The following FAM180A variants were observed in gnomAD, a reference collection of about 807,000 sequenced individuals.
FAM180A encodes family with sequence similarity 180 member A, also known as protein FAM180A.
In FAM180A, 14 loss-of-function variants were observed where a neutral mutation model predicts 15.3. That is an observed-to-expected ratio of 0.92 (90% CI 0.61 to 1.43). FAM180A has a LOEUF of 1.43. Ranked by LOEUF, FAM180A falls within the 40% of genes most tolerant of loss-of-function variation. The probability of loss-of-function intolerance (pLI) is 0.00; values close to 1 mark genes in which losing one functional copy is unlikely to be tolerated. For synonymous variants in FAM180A, 90 were observed against 96.8 expected, an observed-to-expected ratio of 0.93 and a Z score of 0.41; for missense variants, 200 against 220.8, an observed-to-expected ratio of 0.91 and a Z score of 0.60.
In FAM180A at chr7:135,734,312, A is replaced by G. The variant is rs1796841018; in HGVS notation, c.185T>C (p.Leu62Pro). 6.3e-7 allele frequency: 1 copy of G among 1,591,432 alleles called. No individual in the cohort carries two copies. The highest frequency in any genetic ancestry group is 1.4e-5 in the African/African-American group (1 of 74,046). The change falls in exon 3 of 4, where the codon CTG (leucine) becomes CCG (proline). Residue 62 changes from leucine to proline, a missense_variant. By Grantham distance (98) the Leu-to-Pro change is moderately conservative. Transcript: ENST00000338588. ...GTCAGGGCTGATCTCAAGTTCGGCC[A>G]GCAGGAACTGGTGAGAAATGTGGAT... ...EEVELLYEFL[L>P]AELEISPDLQ...
At position 135,745,756 on chromosome 7, in the gene FAM180A, T is replaced by G. The variant is rs189991390; in HGVS notation, c.76+2749A>C. Reference sequence around the variant, plus strand: ...ATTTTGGAGCAGGAGGGTGGGAGGATGGACACGGGGTAGTGGTGGGGCTGG... The same window carrying G: ...ATTTTGGAGCAGGAGGGTGGGAGGAGGGACACGGGGTAGTGGTGGGGCTGG... On this transcript the variant is annotated intron_variant, in intron 1 of 3. Coordinates refer to ENST00000338588, the MANE Select transcript of FAM180A (RefSeq NM_205855.4). 1.8e-4 allele frequency among the ~76,000 whole-genome samples: 22 copies of G among 123,522 alleles called. No individual in the cohort carries two copies. In the East Asian group the frequency reaches 4.8e-3, roughly 27 times the overall value. 81.0% of individuals were successfully genotyped at this position (123,522 alleles called of 152,430 possible).
intron 2 of FAM180A, among the ~76,000 whole-genome samples, chr7:135,735,725 T>C (rs757926487): frequency 3.3e-5 from 5 of 152,190 alleles, no homozygotes; most frequent in Non-Finnish European, 5.9e-5. Context: ...TTTTTTGAGA[T>C]GGAGTCTCGC....
chr7:135,739,720 C>A (rs565282686), intron 1 of FAM180A, among the ~76,000 whole-genome samples: 1 of 149,824 alleles, frequency 6.7e-6, no homozygotes, highest in South Asian at 2.1e-4. Flanking sequence ...CTTAGAGGAA[C>A]TTTCCTGAAA....
At chr7:135,734,392 A>G in intron 2 of FAM180A, 73 bp from the exon 3 acceptor site, 1 of 1,412,656 alleles carries the variant, frequency 7.1e-7, no homozygotes, top group Non-Finnish European at 9.5e-7. Flanking sequence ...ATTATCACGC[A>G]CCTTCCCTTA....
At chr7:135,740,448 C>T (rs965968551) in intron 1 of FAM180A, among the ~76,000 whole-genome samples, 2 of 152,150 alleles carry the variant, frequency 1.3e-5, no homozygotes, top group Non-Finnish European at 2.9e-5. Flanking sequence ...CTTGACTAGA[C>T]ATTCGATTCA....
rs755992092 is a variant in FAM180A at position 135,734,339 on chromosome 7, T to C, written c.178-20A>G. ...CAGGAACTGGTGAGAAATGTGGATG[T>C]GCAAAAATATGAAGTGAGGCATTGC... On this transcript the variant is annotated intron_variant, in intron 2 of 3. Coordinates refer to ENST00000338588, the MANE Select transcript of FAM180A (RefSeq NM_205855.4). The C allele has an allele frequency of 8.3e-6, 13 of 1,562,812 alleles. 1 individual carries two copies. In the South Asian group the frequency reaches 1.2e-4, roughly 15 times the overall value.
chr7:135,740,851 A>G (rs112633937), intron 1 of FAM180A, among the ~76,000 whole-genome samples: 3 of 150,490 alleles, frequency 2.0e-5, no homozygotes, highest in African/African-American at 7.3e-5. Flanking sequence ...AAGGAGGTGG[A>G]TGAAACCCCC....
At chr7:135,737,455 C>T (rs558263814) in intron 1 of FAM180A, among the ~76,000 whole-genome samples, 8 of 151,818 alleles carry the variant, frequency 5.3e-5, no homozygotes, top group African/African-American at 7.3e-5. Context: ...GGCATGGTGG[C>T]GGGTGCCTGT....
chr7:135,733,874 T>A lies in FAM180A; in HGVS notation c.*101A>T. The A allele has an allele frequency of 6.9e-7, 1 of 1,446,324 alleles. No homozygotes were observed. The highest frequency in any genetic ancestry group is 2.5e-5 in the East Asian group (1 of 40,374). 89.6% of individuals were successfully genotyped at this position (1,446,324 alleles called of 1,614,324 possible). Reference sequence around the variant, plus strand: ...GATCTCTGCTGCTCTGTGTCAGCGGTAAGAGTTTTGTTGCTGGTCTCTGTA... The same window carrying A: ...GATCTCTGCTGCTCTGTGTCAGCGGAAAGAGTTTTGTTGCTGGTCTCTGTA... On this transcript the variant is annotated 3_prime_UTR_variant, in exon 3 of 4. Coordinates refer to ENST00000338588, the MANE Select transcript of FAM180A (RefSeq NM_205855.4).
chr7:135,732,239 A>C (rs1162783574), intron 3 of FAM180A, among the ~76,000 whole-genome samples: 1 of 152,188 alleles, frequency 6.6e-6, no homozygotes, highest in Non-Finnish European at 1.5e-5. Context: ...CTGAACACAG[A>C]ATGAGCAGTC....
chr7:135,742,686 C>T (rs1437691902), intron 1 of FAM180A, among the ~76,000 whole-genome samples: 1 of 152,222 alleles, frequency 6.6e-6, no homozygotes, highest in African/African-American at 2.4e-5. Flanking sequence ...ATAGCGTGTT[C>T]TGTCCATGTC....
rs754563488 is a variant in FAM180A, at chr7:135,734,251, G to A, written c.246C>T (p.Ser82=). ...QISIKDEELA[S]LRKASDFRTV... is the part of the protein sequence containing the mutation. ...TGCGGAAGTCTGAGGCCTTCCGCAA[G>A]GAGGCCAGCTCCTCGTCCTTGATGG... Residue 82 remains serine, a synonymous_variant, in exon 3 of 4, where the codon TCC becomes TCT. Transcript: ENST00000338588. 1.6e-5 allele frequency: 26 copies of A among 1,614,174 alleles called. No homozygotes were observed. The highest frequency in any genetic ancestry group is 2.1e-5 in the Non-Finnish European group (25 of 1,179,986).
At chr7:135,748,060 G>A (rs10257946) in intron 1 of FAM180A, among the ~76,000 whole-genome samples, 3,844 of 152,288 alleles carry the variant, frequency 0.025, 166 homozygotes, top group African/African-American at 0.085. Context: ...CGGTGAGGAG[G>A]CAACGTTCTG....
chr7:135,747,685 C>A lies in FAM180A; in HGVS notation c.76+820G>T, dbSNP rs933020822. Among the ~76,000 whole-genome samples the A allele has an allele frequency of 2.0e-5, 3 of 152,230 alleles. No individual in the cohort carries two copies. In the East Asian group the frequency reaches 5.8e-4, roughly 29 times the overall value. On this transcript the variant is annotated intron_variant, in intron 1 of 3. Coordinates refer to ENST00000338588, the MANE Select transcript of FAM180A (RefSeq NM_205855.4). The stretch of plus-strand genomic sequence containing the variant: ...CACCTACTGGCCTGACTTGAAGGAG[C>A]CTGTTCTTCTTGCGGTTCTTTCTAG...
At chr7:135,735,630 A>G (rs1450711109) in intron 2 of FAM180A, among the ~76,000 whole-genome samples, 1 of 152,226 alleles carries the variant, frequency 6.6e-6, no homozygotes, top group Non-Finnish European at 1.5e-5. Context: ...TGCATTTCCC[A>G]GTCTGGTTCC....
intron 1 of FAM180A, among the ~76,000 whole-genome samples, chr7:135,743,425 C>G (rs1324286829): frequency 6.6e-6 from 1 of 151,914 alleles, no homozygotes; most frequent in African/African-American, 2.4e-5. Context: ...CCATGTTGGC[C>G]AGGCTGGTCT....
In FAM180A at chr7:135,734,266, G is replaced by A. The variant is rs771371356; in HGVS notation, c.231C>T (p.Asp77=). 21 of 1,613,624 alleles carry A rather than the reference G, an allele frequency of 1.3e-5. No homozygotes were observed. In the Middle Eastern group the frequency reaches 6.6e-4, roughly 51 times the overall value. Residue 77 remains aspartate (D), a synonymous_variant, in exon 3 of 4, where the codon GAC becomes GAT. Transcript: ENST00000338588. ...ISPDLQISIK[D]EELASLRKAS... ...CCTTCCGCAAGGAGGCCAGCTCCTC[G>A]TCCTTGATGGAGATCTGCAGGTCAG...
intron 2 of FAM180A, 42 bp from the exon 3 acceptor site, chr7:135,734,361 T>G: frequency 5.2e-6 from 8 of 1,523,900 alleles, no homozygotes; most frequent in Non-Finnish European, 6.2e-6. Flanking sequence ...AAGTGAGGCA[T>G]TGCTGAGGAC....
At position 135,743,292 on chromosome 7, in the gene FAM180A, G is replaced by A. The variant is rs192282482; in HGVS notation, c.76+5213C>T. On this transcript the variant is annotated intron_variant, in intron 1 of 3. Coordinates refer to ENST00000338588, the MANE Select transcript of FAM180A (RefSeq NM_205855.4). ...GCTGGAGGGCAGTGGTGCAATCTGG[G>A]TTCCCAGGTTCAAGCGATTCTTGTG... 2.7e-5 allele frequency among the ~76,000 whole-genome samples: 4 copies of A among 148,540 alleles called. No homozygotes were observed. In the East Asian group the frequency reaches 8.1e-4, roughly 30 times the overall value.
Sources: allele counts gnomAD v4.1 joint callset (sites outside exome capture counted in the v4.1 genomes callset), GRCh38; gene constraint gnomAD v4.1.1; transcripts MANE v1.5; gene names NCBI Gene and HGNC (gene_info 2026-07-23, HGNC 2026-07-21).